CPXM2: variants seen among roughly 807,000 people sequenced by gnomAD.
CPXM2 encodes the protein carboxypeptidase X, M14 family member 2, also known as inactive carboxypeptidase-like protein X2.
Under a neutral mutation model 86.1 loss-of-function variants are expected in CPXM2, and 66 were observed. The ratio of observed to expected loss-of-function variants is 0.77; its 90% CI spans 0.63 to 0.94. The LOEUF (loss-of-function observed/expected upper bound fraction) is 0.94. Among genes scored for constraint, CPXM2 ranks in the 40% least tolerant of loss-of-function variants. The probability of loss-of-function intolerance (pLI) is 0.00; values close to 1 mark genes in which losing one functional copy is unlikely to be tolerated. For synonymous variants in CPXM2, 388 were observed against 400.2 expected, an observed-to-expected ratio of 0.97 and a Z score of 0.36; for missense variants, 948 against 1,026.3, an observed-to-expected ratio of 0.92 and a Z score of 1.04.
intron 9 of CPXM2, 130 bp downstream of exon 9, chr10:123,768,381 AAATAAATAAATAAAT>A: frequency 4.3e-5 from 2 of 47,002 alleles, no homozygotes. Flanking sequence ...CTCAAAAAAT[AAATAAATAAATAAAT>A]AAATAAATAA....
intron 4 of CPXM2, among the ~76,000 whole-genome samples, chr10:123,822,086 G>C (rs1847936734): frequency 6.6e-6 from 1 of 152,136 alleles, no homozygotes; most frequent in South Asian, 2.1e-4. Flanking sequence ...CAATGAAAAA[G>C]GTAACAGCTT....
intron 12 of CPXM2, among the ~76,000 whole-genome samples, chr10:123,755,802 A>G (rs1846192622): frequency 6.6e-6 from 1 of 152,210 alleles, no homozygotes; most frequent in Admixed American, 6.5e-5. Context: ...TATTTCGAGG[A>G]CTGGGCATTT....
chr10:123,780,751 T>TC (rs1846915921), intron 6 of CPXM2, among the ~76,000 whole-genome samples: 1 of 152,068 alleles, frequency 6.6e-6, no homozygotes, highest in Admixed American at 6.5e-5. Flanking sequence ...CTTCCTTCCT[T>TC]CCTTCCTTCC....
intron 6 of CPXM2, among the ~76,000 whole-genome samples, chr10:123,788,228 C>T (rs543198179): frequency 2.7e-5 from 4 of 148,356 alleles, no homozygotes; most frequent in Admixed American, 1.4e-4. Context: ...TGCAGTGAGC[C>T]GAGATCATGC....
At chr10:123,809,026 G>T (rs910301476) in intron 4 of CPXM2, among the ~76,000 whole-genome samples, 1 of 152,054 alleles carries the variant, frequency 6.6e-6, no homozygotes, top group Non-Finnish European at 1.5e-5. Flanking sequence ...TGAGTAGCAT[G>T]GTGAAATAGC....
chr10:123,873,417 T>G (rs1944925318), intron 2 of CPXM2, among the ~76,000 whole-genome samples: 1 of 152,238 alleles, frequency 6.6e-6, no homozygotes, highest in Non-Finnish European at 1.5e-5. Context: ...AAGTCAATGT[T>G]GTAAATGTGT....
intron 4 of CPXM2, among the ~76,000 whole-genome samples, chr10:123,835,676 AAC>A (rs1244160778): frequency 6.6e-6 from 1 of 152,212 alleles, no homozygotes; most frequent in Non-Finnish European, 1.5e-5. Flanking sequence ...ACATTCTGAA[AAC>A]ACACACACCC....
intron 6 of CPXM2, among the ~76,000 whole-genome samples, chr10:123,786,628 C>T (rs554158554): frequency 1.2e-4 from 18 of 152,302 alleles, no homozygotes; most frequent in African/African-American, 4.1e-4. Context: ...AAGCTGAGTC[C>T]ACCACCACAA....
chr10:123,791,854 A>T (rs901315692), intron 6 of CPXM2, among the ~76,000 whole-genome samples: 4 of 152,246 alleles, frequency 2.6e-5, no homozygotes, highest in African/African-American at 7.2e-5. Flanking sequence ...AGTCGTGGCG[A>T]GCCCTGAACA....
At chr10:123,780,301 T>C (rs1846905226) in intron 6 of CPXM2, 46 bp from the exon 7 acceptor site, 1 of 1,160,910 alleles carries the variant, frequency 8.6e-7, no homozygotes, top group Non-Finnish European at 1.3e-6. Flanking sequence ...TCATTCTATC[T>C]CCCATGGCAC....
intron 1 of CPXM2, among the ~76,000 whole-genome samples, chr10:123,888,314 AC>A (rs1945212490): frequency 6.6e-6 from 1 of 152,186 alleles, no homozygotes; most frequent in African/African-American, 2.4e-5. Flanking sequence ...GTACATATAG[AC>A]TTTTAATTAG....
intron 2 of CPXM2, among the ~76,000 whole-genome samples, chr10:123,939,283 T>C (rs1945751703): frequency 1.3e-5 from 2 of 152,108 alleles, no homozygotes; most frequent in African/African-American, 2.4e-5. Context: ...CTCACATATT[T>C]AAAGTAAACT....
intron 2 of CPXM2, among the ~76,000 whole-genome samples, chr10:123,870,184 C>A (rs115405792): frequency 0.027 from 2,420 of 89,276 alleles, 66 homozygotes; most frequent in African/African-American, 0.12. Context: ...GAACACAGTT[C>A]AATAGTCGTT....
intron 6 of CPXM2, 56 bp downstream of exon 6, chr10:123,797,920 C>T: frequency 6.9e-7 from 1 of 1,457,300 alleles, no homozygotes; most frequent in Non-Finnish European, 9.1e-7. Context: ...CTTGGCTGGG[C>T]ATCTGTTTTC....
chr10:123,815,027 A>T (rs1467702190), intron 4 of CPXM2, among the ~76,000 whole-genome samples: 2 of 152,204 alleles, frequency 1.3e-5, no homozygotes, highest in Non-Finnish European at 2.9e-5. Context: ...CTCGTCTAAA[A>T]AAGAAAAAAG....
At chr10:123,842,228 TCTC>T in intron 4 of CPXM2, 118 bp downstream of exon 4, 2 of 1,314,006 alleles carry the variant, frequency 1.5e-6, no homozygotes, top group Non-Finnish European at 2.1e-6. Flanking sequence ...ATTCCAATTT[TCTC>T]CTCTTCTACT....
intron 9 of CPXM2, 73 bp from the exon 10 acceptor site, chr10:123,767,225 T>G: frequency 7.2e-7 from 1 of 1,379,612 alleles, no homozygotes; most frequent in South Asian, 1.2e-5. Context: ...ACAAGATGCA[T>G]CTGTCTCCAC....
intron 6 of CPXM2, among the ~76,000 whole-genome samples, chr10:123,787,653 A>G (rs1214514185): frequency 6.6e-6 from 1 of 152,162 alleles, no homozygotes; most frequent in Non-Finnish European, 1.5e-5. Flanking sequence ...AGGGACCAAG[A>G]TTTTGGGCTG....
intron 13 of CPXM2, among the ~76,000 whole-genome samples, chr10:123,749,083 G>T (rs2133963866): frequency 6.6e-6 from 1 of 152,326 alleles, no homozygotes; most frequent in Admixed American, 6.5e-5. Flanking sequence ...AACCAGGACA[G>T]CATGTGGCTT....
Sources: gnomAD v4.1 joint callset for allele counts (sites outside exome capture counted in the v4.1 genomes callset) on GRCh38, gnomAD v4.1.1 for gene constraint, MANE v1.5 for transcripts, NCBI Gene and HGNC (gene_info 2026-07-23, HGNC 2026-07-21) for gene names.